COL27A1: variants seen among roughly 807,000 people sequenced by gnomAD.
COL27A1 encodes collagen alpha-1(XXVII) chain.
Under a neutral mutation model 251.3 loss-of-function variants are expected in COL27A1, and 106 were observed. The ratio of observed to expected loss-of-function variants is 0.42; its 90% CI spans 0.36 to 0.50. The LOEUF (loss-of-function observed/expected upper bound fraction) is 0.50, where lower values mean the gene tolerates loss of function less well. Among genes scored for constraint, COL27A1 ranks in the 20% least tolerant of loss-of-function variants. The probability of loss-of-function intolerance (pLI) is 0.00; values close to 1 mark genes in which losing one functional copy is unlikely to be tolerated. For synonymous variants in COL27A1, 1,000 were observed against 986.3 expected, an observed-to-expected ratio of 1.01 and a Z score of -0.26; for missense variants, 2,325 against 2,522.8, an observed-to-expected ratio of 0.92 and a Z score of 1.68.
chr9:114,157,106 A>ACGCGCGCG lies in COL27A1; in HGVS notation c.62+1097_62+1104dup, dbSNP rs1554782456. Among the ~76,000 whole-genome samples the ACGCGCGCG allele has an allele frequency of 3.2e-4, 48 of 147,944 alleles. No individual in the cohort carries two copies. The South Asian group carries it at 3.9e-3, about 12-fold the overall frequency. On this transcript the variant is annotated intron_variant, in intron 1 of 60. Coordinates refer to ENST00000356083, the MANE Select transcript of COL27A1 (RefSeq NM_032888.4). ...CACACACACACACACACACACACAT[A>ACGCGCGCG]CGCGCGCGCGGCACCAGTGAGCACA...
chr9:114,220,045 G>A (rs757528626), intron 13 of COL27A1, among the ~76,000 whole-genome samples: 2 of 151,984 alleles, frequency 1.3e-5, no homozygotes, highest in Non-Finnish European at 2.9e-5. Context: ...TCGCCCCCCT[G>A]TAAGAGTCCC....
At chr9:114,206,421 C>A in intron 10 of COL27A1, 125 bp downstream of exon 10, 1 of 950,012 alleles carries the variant, frequency 1.1e-6, no homozygotes, top group Admixed American at 2.0e-5. Flanking sequence ...TGAGTGCTCC[C>A]GGACAACAGA....
intron 3 of COL27A1, among the ~76,000 whole-genome samples, chr9:114,178,053 CA>C (rs996910129): frequency 3.9e-5 from 6 of 152,158 alleles, no homozygotes; most frequent in Non-Finnish European, 8.8e-5. Flanking sequence ...GAGAAGGTGA[CA>C]CCCTAAGTTA....
chr9:114,253,725 G>C (rs780497567), intron 27 of COL27A1, among the ~76,000 whole-genome samples: 33 of 152,236 alleles, frequency 2.2e-4, no homozygotes, highest in Non-Finnish European at 3.4e-4. Context: ...TCATGGTCAG[G>C]ATAGTGTGAT....
intron 59 of COL27A1, among the ~76,000 whole-genome samples, chr9:114,308,400 T>C (rs1299507802): frequency 1.3e-5 from 2 of 152,210 alleles, no homozygotes; most frequent in African/African-American, 4.8e-5. Context: ...CCCTCCCATT[T>C]CATCAGCCAC....
chr9:114,222,185 TG>T (rs1831158693), intron 13 of COL27A1, 37 bp from the exon 14 acceptor site: 2 of 1,603,762 alleles, frequency 1.2e-6, no homozygotes. Context: ...TGGAGGGAGA[TG>T]GGACAAGTAA....
chr9:114,207,663 G>A (rs1420596780), intron 10 of COL27A1, among the ~76,000 whole-genome samples: 1 of 152,198 alleles, frequency 6.6e-6, no homozygotes, highest in African/African-American at 2.4e-5. Context: ...AGTCACTCAA[G>A]CTGCCCTTCC....
In COL27A1 at chr9:114,265,510, G is replaced by T. The variant is rs753417270; in HGVS notation, c.3393+35G>T. On this transcript the variant is annotated intron_variant, in intron 32 of 60. Coordinates refer to ENST00000356083, the MANE Select transcript of COL27A1 (RefSeq NM_032888.4). ...CTTTCCTTCCCTCTTCTGCTTCTTT[G>T]CCGCTGGCACCTGGGGGTGTGGGCC... 6 of 1,607,006 alleles carry T rather than the reference G, an allele frequency of 3.7e-6. No individual in the cohort carries two copies. In the South Asian group the frequency reaches 6.6e-5, roughly 18 times the overall value.
intron 55 of COL27A1, 61 bp from the exon 56 acceptor site, chr9:114,302,021 C>A: frequency 3.3e-6 from 5 of 1,507,724 alleles, no homozygotes; most frequent in Non-Finnish European, 4.6e-6. Flanking sequence ...TCTCCTGACA[C>A]CCTCTCAGAT....
At chr9:114,188,148 C>T (rs919903396) in intron 5 of COL27A1, among the ~76,000 whole-genome samples, 3 of 152,238 alleles carry the variant, frequency 2.0e-5, no homozygotes, top group Non-Finnish European at 4.4e-5. Context: ...AGGCAGTGTG[C>T]TGACAGTAAC....
At chr9:114,251,434 C>T (rs1833540613) in intron 25 of COL27A1, among the ~76,000 whole-genome samples, 1 of 152,072 alleles carries the variant, frequency 6.6e-6, no homozygotes, top group Non-Finnish European at 1.5e-5. Flanking sequence ...TCCCTCGCTT[C>T]CCCCTCCTCC....
intron 24 of COL27A1, among the ~76,000 whole-genome samples, chr9:114,247,214 G>C (rs1474177145): frequency 1.3e-5 from 2 of 152,170 alleles, no homozygotes; most frequent in Non-Finnish European, 2.9e-5. Context: ...AGTAGCAGGT[G>C]TAACAGCGGC....
rs188305895 is a variant in COL27A1, at chr9:114,249,311, G to A, written c.2980-1304G>A. 3.3e-5 allele frequency among the ~76,000 whole-genome samples: 5 copies of A among 152,342 alleles called. No homozygotes were observed. In the East Asian group the frequency reaches 9.6e-4, roughly 29 times the overall value. On this transcript the variant is annotated intron_variant, in intron 24 of 60. Transcript: ENST00000356083. ...GGTTATTTTCTGTGAAATGTTAGCT[G>A]TGACCTTATACCTAGTGCCTCATCC... is the stretch of plus-strand genomic sequence containing the variant.
chr9:114,266,060 G>C lies in COL27A1; in HGVS notation c.3394-505G>C, dbSNP rs528503374. ...AACCCCATGAGGAGGCTGGAGAGTGGTGCTACAAGAGATGGCAGAGAGAGG... is the reference window on the plus strand; with the variant it reads ...AACCCCATGAGGAGGCTGGAGAGTGCTGCTACAAGAGATGGCAGAGAGAGG... On this transcript the variant is annotated intron_variant, in intron 32 of 60. Transcript: ENST00000356083. Among the ~76,000 whole-genome samples, 37 of 152,282 alleles carry C rather than the reference G, an allele frequency of 2.4e-4. 1 individual carries two copies. The highest frequency in any genetic ancestry group is 4.6e-4 in the Admixed American group (7 of 15,302).
At chr9:114,297,856 C>G (rs1828360472) in intron 49 of COL27A1, among the ~76,000 whole-genome samples, 1 of 151,990 alleles carries the variant, frequency 6.6e-6, no homozygotes, top group Non-Finnish European at 1.5e-5. Context: ...GATATAAGAT[C>G]AATATACAAA....
intron 16 of COL27A1, among the ~76,000 whole-genome samples, chr9:114,233,315 T>C (rs1317089193): frequency 6.6e-6 from 1 of 152,186 alleles, no homozygotes; most frequent in Non-Finnish European, 1.5e-5. Flanking sequence ...CTCCAGATTG[T>C]TTTACTCAAG....
chr9:114,166,448 C>CATCCATCCATCCGTCCATCA (rs1848896965), intron 2 of COL27A1, among the ~76,000 whole-genome samples: 1 of 150,996 alleles, frequency 6.6e-6, no homozygotes, highest in African/African-American at 2.4e-5. Context: ...TTCATCTATC[C>CATCCATCCATCCGTCCATCA]ATCCATCCAT....
chr9:114,198,842 G>A (rs556188381), intron 7 of COL27A1, among the ~76,000 whole-genome samples: 1 of 152,192 alleles, frequency 6.6e-6, no homozygotes, highest in Non-Finnish European at 1.5e-5. Flanking sequence ...CTCTCCTGCT[G>A]TGTGAGCTTG....
intron 27 of COL27A1, among the ~76,000 whole-genome samples, chr9:114,257,226 G>T (rs1041023481): frequency 3.4e-4 from 51 of 151,958 alleles, no homozygotes; most frequent in African/African-American, 9.9e-4. Context: ...GATGAGACTG[G>T]CTCTGCCTTG....
Sources: gnomAD v4.1 joint callset for allele counts (sites outside exome capture counted in the v4.1 genomes callset) on GRCh38, gnomAD v4.1.1 for gene constraint, MANE v1.5 for transcripts, NCBI Gene and HGNC (gene_info 2026-07-23, HGNC 2026-07-21) for gene names.